Variants in SUMF1 observed in about 807,000 individuals in gnomAD.
SUMF1 encodes the protein sulfatase modifying factor 1, also known as formylglycine-generating enzyme.
A neutral mutation model predicts 47.6 loss-of-function variants in SUMF1; 48 were observed. The ratio of observed to expected loss-of-function variants is 1.01; its 90% CI spans 0.80 to 1.28. SUMF1 has a LOEUF of 1.28. Ranked by LOEUF, SUMF1 falls within the 50% of genes most tolerant of loss-of-function variation. SUMF1 has a pLI of 0.00. For missense variants in SUMF1, 571 were observed against 485.4 expected, an observed-to-expected ratio of 1.18 and a Z score of -1.66; for synonymous variants, 230 against 192.1, an observed-to-expected ratio of 1.20 and a Z score of -1.63.
chr3:4,434,590 T>C (rs1036433344), intron 3 of SUMF1, among the ~76,000 whole-genome samples: 13 of 152,240 alleles, frequency 8.5e-5, no homozygotes, highest in Non-Finnish European at 1.9e-4. Flanking sequence ...CTAGGTACTG[T>C]ACCAGGTGGT....
chr3:4,241,990 T>C (rs1158915738), intron 8 of SUMF1, among the ~76,000 whole-genome samples: 1 of 152,118 alleles, frequency 6.6e-6, no homozygotes, highest in Admixed American at 6.6e-5. Context: ...CACCATGTAG[T>C]CCGTTCCCTA....
At chr3:4,267,126 C>A (rs1559632838) in intron 8 of SUMF1, among the ~76,000 whole-genome samples, 1 of 152,120 alleles carries the variant, frequency 6.6e-6, no homozygotes, top group Non-Finnish European at 1.5e-5. Flanking sequence ...ATTCAGTTTG[C>A]CAGTATTTTA....
intron 8 of SUMF1, among the ~76,000 whole-genome samples, chr3:4,107,580 T>C (rs1043294350): frequency 1.3e-5 from 2 of 152,156 alleles, no homozygotes; most frequent in South Asian, 4.1e-4. Context: ...ACCTGTCTCC[T>C]ACCCACCTAT....
intron 8 of SUMF1, among the ~76,000 whole-genome samples, chr3:4,339,264 G>C (rs1162279795): frequency 6.6e-6 from 1 of 152,054 alleles, no homozygotes; most frequent in Non-Finnish European, 1.5e-5. Context: ...CCTCTTTAAA[G>C]TCTCAACTTG....
chr3:4,050,265 A>G (rs1178319307), intron 9 of SUMF1, among the ~76,000 whole-genome samples: 2 of 151,872 alleles, frequency 1.3e-5, no homozygotes, highest in African/African-American at 2.4e-5. Flanking sequence ...TCCGTTCTAA[A>G]TGATCCATTT....
chr3:4,413,465 G>T (rs537210644), intron 6 of SUMF1, among the ~76,000 whole-genome samples: 15 of 151,928 alleles, frequency 9.9e-5, no homozygotes, highest in Non-Finnish European at 2.1e-4. Context: ...GTAGAATGTG[G>T]AGGTCACCAC....
intron 8 of SUMF1, among the ~76,000 whole-genome samples, chr3:4,105,134 A>G (rs1157085405): frequency 1.3e-5 from 2 of 152,164 alleles, no homozygotes; most frequent in African/African-American, 4.8e-5. Context: ...CAAGGACAGA[A>G]AGGCAAATAC....
At chr3:4,173,507 G>A (rs906562335) in intron 8 of SUMF1, among the ~76,000 whole-genome samples, 2 of 152,104 alleles carry the variant, frequency 1.3e-5, no homozygotes, top group African/African-American at 4.8e-5. Context: ...AATACCATTT[G>A]ACCCAGCAAT....
chr3:4,056,629 A>G (rs1472048226), intron 9 of SUMF1, among the ~76,000 whole-genome samples: 6 of 152,166 alleles, frequency 3.9e-5, no homozygotes, highest in Admixed American at 1.3e-4. Context: ...ACTGCACTCC[A>G]GTGTGGGTGA....
chr3:4,067,461 A>G (rs1358041153), intron 9 of SUMF1, among the ~76,000 whole-genome samples: 1 of 152,202 alleles, frequency 6.6e-6, no homozygotes, highest in Non-Finnish European at 1.5e-5. Context: ...ATGATGTTGC[A>G]CATGATAATG....
rs572580123 is a variant in SUMF1 at position 4,386,653 on chromosome 3, TGGAAACAGACATA to T, written c.955-10277_955-10265del. 4.0e-3 allele frequency among the ~76,000 whole-genome samples: 614 copies of T among 152,234 alleles called. 3 individuals are homozygous for T. Among genetic ancestry groups the T allele is most frequent in the Non-Finnish European group, 6.5e-3 (442 of 67,922 alleles). The stretch of plus-strand genomic sequence containing the variant: ...CCAGCACTATGTTGAATAAGAGTTC[TGGAAACAGACATA>T]GTTACCTTTTTCCCAATATTAGTGG... On this transcript the variant is annotated intron_variant, in intron 7 of 8. Coordinates refer to ENST00000272902, the MANE Select transcript of SUMF1 (RefSeq NM_182760.4).
chr3:4,342,099 C>G (rs1214419147), intron 8 of SUMF1, among the ~76,000 whole-genome samples: 1 of 152,220 alleles, frequency 6.6e-6, no homozygotes, highest in Non-Finnish European at 1.5e-5. Context: ...TGTAATCTAG[C>G]AGGCTAACTT....
Position 4,361,916 on chromosome 3 carries a change from A to G in SUMF1, c.*228T>C. 1 of 538,232 alleles carries G rather than the reference A, an allele frequency of 1.9e-6. No individual in the cohort carries two copies. The highest frequency in any genetic ancestry group is 3.4e-6 in the Non-Finnish European group (1 of 297,562). 33.3% of individuals were successfully genotyped at this position (538,232 alleles called of 1,614,324 possible). A position where few individuals can be genotyped will look rare whatever the true frequency, so the allele number is the denominator to read the frequency against. ...TCCCCTTCCTCTTTAAAGACTCTCA[A>G]AAGTAAAATATGGTGATGATCTCCA... On this transcript the variant is annotated 3_prime_UTR_variant, in exon 9 of 9. Coordinates refer to ENST00000272902, the MANE Select transcript of SUMF1 (RefSeq NM_182760.4).
intron 8 of SUMF1, among the ~76,000 whole-genome samples, chr3:4,184,537 C>G (rs554257446): frequency 1.1e-4 from 17 of 152,036 alleles, no homozygotes; most frequent in African/African-American, 4.1e-4. Flanking sequence ...GGTCTCACAA[C>G]GATCTTGAAG....
chr3:4,372,000 T>C (rs1315123924), intron 8 of SUMF1, among the ~76,000 whole-genome samples: 2 of 152,190 alleles, frequency 1.3e-5, no homozygotes, highest in Non-Finnish European at 2.9e-5. Context: ...TTATGAATGA[T>C]CATCAGAATT....
intron 8 of SUMF1, among the ~76,000 whole-genome samples, chr3:4,166,744 T>G (rs951276384): frequency 6.6e-6 from 1 of 152,126 alleles, no homozygotes; most frequent in African/African-American, 2.4e-5. Flanking sequence ...CACTTATGGC[T>G]GCAGGGCCAA....
chr3:4,072,961 T>C (rs1692317002), intron 8 of SUMF1, among the ~76,000 whole-genome samples: 1 of 152,114 alleles, frequency 6.6e-6, no homozygotes, highest in South Asian at 2.1e-4. Context: ...GAGGCCAACA[T>C]TCAAATTCAG....
chr3:4,159,032 G>GT lies in SUMF1; in HGVS notation c.1015-90288dup, dbSNP rs1004705072. ...GTCTGTGTCTTGAAAAGTTGTTGCAGTTTTTTTATCAGTTCATCTTTTCAT... is the reference window on the plus strand; with the variant it reads ...GTCTGTGTCTTGAAAAGTTGTTGCAGTTTTTTTTATCAGTTCATCTTTTCAT... On this transcript the variant is annotated intron_variant and NMD_transcript_variant, in intron 8 of 12. Coordinates refer to the SUMF1 transcript ENST00000448413. Among the ~76,000 whole-genome samples, 14 of 151,288 alleles carry GT rather than the reference G, an allele frequency of 9.3e-5. 1 individual carries two copies. The highest frequency in any genetic ancestry group is 2.9e-4 in the African/African-American group (12 of 40,780).
chr3:4,189,020 A>T (rs1436520136), intron 8 of SUMF1, among the ~76,000 whole-genome samples: 1 of 152,136 alleles, frequency 6.6e-6, no homozygotes, highest in Non-Finnish European at 1.5e-5. Flanking sequence ...GTTCTAGCTC[A>T]TATTCTATAG....
Sources: gnomAD v4.1 joint callset for allele counts (sites outside exome capture counted in the v4.1 genomes callset) on GRCh38, gnomAD v4.1.1 for gene constraint, MANE v1.5 for transcripts, NCBI Gene and HGNC (gene_info 2026-07-23, HGNC 2026-07-21) for gene names.